The following LEPR variants were observed in gnomAD, a reference collection of about 807,000 sequenced individuals.
LEPR encodes the protein leptin receptor.
In LEPR, 56 loss-of-function variants were observed where a neutral mutation model predicts 114.7. The observed-to-expected ratio is 0.49, with a 90% CI of 0.39 to 0.61. LEPR has a LOEUF of 0.61. Ranked by LOEUF, LEPR falls within the 20% of genes least tolerant of loss-of-function variation. LEPR has a pLI of 0.00. For synonymous variants in LEPR, 443 were observed against 461.4 expected (o/e 0.96, Z 0.51); for missense variants, 1,202 against 1,352.9 (o/e 0.89, Z 1.75).
chr1:65,543,268 G>C (rs766425444), intron 2 of LEPR, among the ~76,000 whole-genome samples: 9 of 151,910 alleles, frequency 5.9e-5, no homozygotes, highest in Non-Finnish European at 8.8e-5. Context: ...CTTCTTCTGA[G>C]TAGTGTCTGT....
In LEPR at chr1:65,570,657, T is replaced by C. The variant is rs1654090017; in HGVS notation, c.225T>C (p.Ser75=). 3.7e-6 allele frequency: 6 copies of C among 1,613,870 alleles called. No individual in the cohort carries two copies. Among genetic ancestry groups the C allele is most frequent in the Non-Finnish European group, 4.2e-6 (5 of 1,179,936 alleles). ...CTGTTGAACCTAAGTTTAATTCAAGTGGTACTCACTTTTCTAACTTATCCA... is the reference window on the plus strand; with the variant it reads ...CTGTTGAACCTAAGTTTAATTCAAGCGGTACTCACTTTTCTAACTTATCCA... ...ETAVEPKFNS[S]GTHFSNLSKT... The change falls in exon 4 of 20, where the codon AGT becomes AGC. Residue 75 remains serine, a synonymous_variant. Transcript: ENST00000349533.
At chr1:65,610,546 T>C (rs920132534) in intron 14 of LEPR, among the ~76,000 whole-genome samples, 3 of 152,212 alleles carry the variant, frequency 2.0e-5, no homozygotes, top group Non-Finnish European at 1.5e-5. Flanking sequence ...GCAAAGTTAC[T>C]TAGACTCTTT....
intron 2 of LEPR, among the ~76,000 whole-genome samples, chr1:65,472,411 A>AACACACACACACACACACACACACACAC (rs71721804): frequency 7.5e-5 from 10 of 133,300 alleles, no homozygotes; most frequent in African/African-American, 2.9e-4. Context: ...CTGTGGCTAA[A>AACACACACACACACACACACACACACAC]ACACACACAC....
intron 19 of LEPR, among the ~76,000 whole-genome samples, chr1:65,623,710 A>C (rs1224145095): frequency 6.7e-6 from 1 of 148,868 alleles, no homozygotes; most frequent in African/African-American, 2.6e-5. Flanking sequence ...TGGTGATTGC[A>C]TCTTTATCAT....
chr1:65,465,627 T>G (rs1183609714), intron 2 of LEPR, among the ~76,000 whole-genome samples: 1 of 152,200 alleles, frequency 6.6e-6, no homozygotes, highest in Non-Finnish European at 1.5e-5. Flanking sequence ...CAGTGAGGTG[T>G]TAAAGTCTCC....
intron 14 of LEPR, among the ~76,000 whole-genome samples, chr1:65,612,727 A>G (rs765664800): frequency 6.6e-5 from 10 of 151,682 alleles, no homozygotes; most frequent in African/African-American, 9.7e-5. Context: ...CTGGTTGGGT[A>G]TTTTGTAGAA....
chr1:65,544,455 CT>C (rs1416107565), intron 2 of LEPR, among the ~76,000 whole-genome samples: 1 of 151,988 alleles, frequency 6.6e-6, no homozygotes, highest in East Asian at 1.9e-4. Context: ...CCTGATTTCC[CT>C]GGCTAGAACT....
intron 19 of LEPR, chr1:65,635,166 G>T: frequency 1.0e-6 from 1 of 955,162 alleles, no homozygotes; most frequent in East Asian, 1.2e-4. Flanking sequence ...TAATAAATCT[G>T]AATTCTATTA....
intron 2 of LEPR, among the ~76,000 whole-genome samples, chr1:65,510,635 G>A (rs1197596042): frequency 2.0e-5 from 3 of 152,140 alleles, no homozygotes; most frequent in Non-Finnish European, 2.9e-5. Flanking sequence ...AGAAGGAGAC[G>A]TTACAGCACA....
At chr1:65,634,879 A>G (rs947500425) in intron 19 of LEPR, 9 of 829,288 alleles carry the variant, frequency 1.1e-5, no homozygotes, top group Non-Finnish European at 1.3e-5. Flanking sequence ...TTTCTTTCAG[A>G]AAAAAAAAAC....
intron 2 of LEPR, among the ~76,000 whole-genome samples, chr1:65,466,213 C>G (rs1570504133): frequency 6.6e-6 from 1 of 152,128 alleles, no homozygotes; most frequent in East Asian, 1.9e-4. Flanking sequence ...TCTTGTAAGG[C>G]AGGCCTAGAG....
chr1:65,497,336 G>T (rs1648217980), intron 2 of LEPR, among the ~76,000 whole-genome samples: 1 of 151,980 alleles, frequency 6.6e-6, no homozygotes. Context: ...GTCTCAACTG[G>T]GTTTCTTTTA....
intron 2 of LEPR, among the ~76,000 whole-genome samples, chr1:65,467,509 G>C (rs754055443): frequency 6.6e-6 from 1 of 152,180 alleles, no homozygotes; most frequent in Non-Finnish European, 1.5e-5. Flanking sequence ...ACTTGAGGAG[G>C]CAGTCTGTCC....
chr1:65,567,331 T>C (rs1653837840), intron 3 of LEPR, among the ~76,000 whole-genome samples: 1 of 152,220 alleles, frequency 6.6e-6, no homozygotes, highest in Non-Finnish European at 1.5e-5. Flanking sequence ...ATCCTCTATG[T>C]AGACCTAGAA....
intron 2 of LEPR, among the ~76,000 whole-genome samples, chr1:65,551,591 C>A (rs1486475318): frequency 6.6e-6 from 1 of 151,714 alleles, no homozygotes; most frequent in Non-Finnish European, 1.5e-5. Context: ...CTATTTGATT[C>A]TTCTCTCTTT....
chr1:65,557,543 C>G (rs1652907175), intron 2 of LEPR, among the ~76,000 whole-genome samples: 1 of 152,084 alleles, frequency 6.6e-6, no homozygotes, highest in African/African-American at 2.4e-5. Flanking sequence ...CTTCAGCCTC[C>G]CAAGTAGCTG....
rs182732072 is a variant in LEPR at position 65,550,154 on chromosome 1, G to A, written c.-20-15392G>A. Among the ~76,000 whole-genome samples the A allele has an allele frequency of 3.5e-3, 530 of 152,310 alleles. 2 individuals carry two copies. Among genetic ancestry groups the A allele is most frequent in the Non-Finnish European group, 5.1e-3 (345 of 68,030 alleles). The stretch of plus-strand genomic sequence containing the variant: ...ATTTTCGTGAACCGCGAATGCTGCT[G>A]TCTGATCCTTCCTCTGGAAGTTTTG... On this transcript the variant is annotated intron_variant, in intron 2 of 19. Transcript: ENST00000349533.
At chr1:65,530,240 T>C (rs1002213968) in intron 2 of LEPR, among the ~76,000 whole-genome samples, 1 of 152,176 alleles carries the variant, frequency 6.6e-6, no homozygotes, top group Non-Finnish European at 1.5e-5. Flanking sequence ...ACCTCGTTTG[T>C]AATGTGTTGG....
At chr1:65,480,906 C>G (rs1044139114) in intron 2 of LEPR, among the ~76,000 whole-genome samples, 2 of 152,140 alleles carry the variant, frequency 1.3e-5, no homozygotes, top group African/African-American at 4.8e-5. Context: ...ATGTTTTGAA[C>G]AACTAGCTTA....
Sources: allele counts gnomAD v4.1 joint callset (sites outside exome capture counted in the v4.1 genomes callset), GRCh38; gene constraint gnomAD v4.1.1; transcripts MANE v1.5; gene names NCBI Gene and HGNC (gene_info 2026-07-23, HGNC 2026-07-21).